GPC6: variants seen among roughly 807,000 people sequenced by gnomAD.
GPC6 encodes the protein glypican-6.
GPC6 carries 14 observed loss-of-function variants against 55.2 expected under a neutral mutation model. The observed-to-expected ratio is 0.25, with a 90% CI of 0.17 to 0.40. GPC6 has a LOEUF of 0.40. Among genes scored for constraint, GPC6 ranks in the 10% least tolerant of loss-of-function variants. GPC6 has a pLI of 1.00. For missense variants in GPC6, 641 were observed against 708.5 expected (o/e 0.90, Z 1.08); for synonymous variants, 278 against 259.6 (o/e 1.07, Z -0.68).
At chr13:93,942,213 A>G (rs1431013611) in intron 3 of GPC6, among the ~76,000 whole-genome samples, 1 of 152,212 alleles carries the variant, frequency 6.6e-6, no homozygotes, top group Non-Finnish European at 1.5e-5. Context: ...GATTACTTTG[A>G]AACTTAGCAG....
chr13:94,256,091 G>A (rs1487234313), intron 4 of GPC6, among the ~76,000 whole-genome samples: 2 of 152,274 alleles, frequency 1.3e-5, no homozygotes, highest in East Asian at 1.9e-4. Context: ...AGATAGAGAC[G>A]TGTAGACTTC....
intron 4 of GPC6, among the ~76,000 whole-genome samples, chr13:94,181,648 C>T (rs1889002421): frequency 6.6e-6 from 1 of 152,164 alleles, no homozygotes; most frequent in African/African-American, 2.4e-5. Context: ...TCTCTGAACT[C>T]CCTGACCACA....
rs533999169 is a variant in GPC6, at chr13:93,316,937, C to A, written c.160+89321C>A. On this transcript the variant is annotated intron_variant, in intron 1 of 8. Transcript: ENST00000377047. Reference sequence around the variant, plus strand: ...CATATACACTTAGTGCTTAAGCTGTCATTATCTGATCTGCATTTGAGGAGC... The same window carrying A: ...CATATACACTTAGTGCTTAAGCTGTAATTATCTGATCTGCATTTGAGGAGC... 1.2e-4 allele frequency among the ~76,000 whole-genome samples: 18 copies of A among 152,190 alleles called. 1 individual carries two copies. In the South Asian group the frequency reaches 3.5e-3, roughly 30 times the overall value.
chr13:93,273,158 T>C (rs549254274), intron 1 of GPC6, among the ~76,000 whole-genome samples: 91 of 152,306 alleles, frequency 6.0e-4, no homozygotes, highest in African/African-American at 2.1e-3. Context: ...CTTTTAGTTC[T>C]CTCTGACATC....
At chr13:93,584,086 T>C (rs1877074368) in intron 2 of GPC6, among the ~76,000 whole-genome samples, 1 of 152,128 alleles carries the variant, frequency 6.6e-6, no homozygotes, top group African/African-American at 2.4e-5. Context: ...GGAGTTCTAT[T>C]AGGAAAGGGA....
intron 2 of GPC6, among the ~76,000 whole-genome samples, chr13:93,697,347 A>G (rs976445657): frequency 1.3e-5 from 2 of 152,130 alleles, no homozygotes; most frequent in Non-Finnish European, 2.9e-5. Context: ...TTCCTCTCTC[A>G]GAGCACTTGC....
rs972554613 is a variant in GPC6, at chr13:93,346,003, G to A, written c.160+118387G>A. Among the ~76,000 whole-genome samples, 9 of 152,158 alleles carry A rather than the reference G, an allele frequency of 5.9e-5. No individual in the cohort carries two copies. The East Asian group carries it at 7.7e-4, about 13-fold the overall frequency. ...GACCAGCATGCCCTTTTAAAATTCC[G>A]TAGTTAATCTCTTTATTGAAAGCTG... On this transcript the variant is annotated intron_variant, in intron 1 of 8. Transcript: ENST00000377047.
At chr13:93,658,142 T>G (rs1230525765) in intron 2 of GPC6, among the ~76,000 whole-genome samples, 1 of 151,986 alleles carries the variant, frequency 6.6e-6, no homozygotes. Context: ...ACTTTTACAT[T>G]ATCCAATCAA....
chr13:93,901,909 A>AC (rs1876376722), intron 3 of GPC6, among the ~76,000 whole-genome samples: 1 of 152,060 alleles, frequency 6.6e-6, no homozygotes, highest in East Asian at 1.9e-4. Flanking sequence ...AAAAAAAAAA[A>AC]AAAAAAAAAC....
At chr13:93,943,227 A>G (rs548457366) in intron 3 of GPC6, among the ~76,000 whole-genome samples, 74 of 152,302 alleles carry the variant, frequency 4.9e-4, no homozygotes, top group Non-Finnish European at 8.5e-4. Flanking sequence ...GAATTATAGT[A>G]TAATATACTA....
At chr13:94,175,308 A>C (rs893195603) in intron 4 of GPC6, among the ~76,000 whole-genome samples, 2 of 152,188 alleles carry the variant, frequency 1.3e-5, no homozygotes, top group African/African-American at 2.4e-5. Context: ...TTTGTAGCAC[A>C]ATAGCAGCCA....
At chr13:93,807,938 G>T (rs913935478) in intron 2 of GPC6, among the ~76,000 whole-genome samples, 3 of 152,108 alleles carry the variant, frequency 2.0e-5, no homozygotes, top group African/African-American at 7.2e-5. Context: ...CTCCCCTAAA[G>T]GCAACAGTTT....
intron 3 of GPC6, among the ~76,000 whole-genome samples, chr13:93,989,966 T>A (rs1242082901): frequency 6.7e-6 from 1 of 149,686 alleles, no homozygotes; most frequent in Non-Finnish European, 1.5e-5. Flanking sequence ...GTATAAAATA[T>A]GTAAAGAAAT....
chr13:93,778,352 A>G (rs1369540539), intron 2 of GPC6, among the ~76,000 whole-genome samples: 2 of 144,966 alleles, frequency 1.4e-5, no homozygotes, highest in Non-Finnish European at 2.9e-5. Context: ...GTGAATTATA[A>G]GAGAGATTTC....
intron 2 of GPC6, among the ~76,000 whole-genome samples, chr13:93,610,791 TC>T (rs983808908): frequency 6.6e-6 from 1 of 152,154 alleles, no homozygotes; most frequent in Non-Finnish European, 1.5e-5. Flanking sequence ...TCTTCTGTTT[TC>T]TATTTCATTT....
intron 4 of GPC6, among the ~76,000 whole-genome samples, chr13:94,246,790 A>G (rs2139032617): frequency 6.6e-6 from 1 of 152,100 alleles, no homozygotes; most frequent in African/African-American, 2.4e-5. Context: ...AATCAGGAGG[A>G]AGTGTGATGC....
intron 1 of GPC6, among the ~76,000 whole-genome samples, chr13:93,414,733 G>A (rs1285245731): frequency 6.6e-6 from 1 of 152,136 alleles, no homozygotes; most frequent in African/African-American, 2.4e-5. Context: ...TGCCAAAGTG[G>A]TGATGATGGG....
At chr13:93,367,663 T>C (rs1157740639) in intron 1 of GPC6, among the ~76,000 whole-genome samples, 1 of 152,124 alleles carries the variant, frequency 6.6e-6, no homozygotes, top group African/African-American at 2.4e-5. Context: ...TTTTGATATC[T>C]CTTGCAACTA....
chr13:93,553,504 C>T (rs892070884), intron 2 of GPC6, among the ~76,000 whole-genome samples: 6 of 150,282 alleles, frequency 4.0e-5, no homozygotes, highest in Admixed American at 1.3e-4. Flanking sequence ...CAGCCTGGCC[C>T]GCATGGTGAA....
Sources: allele counts gnomAD v4.1 joint callset (sites outside exome capture counted in the v4.1 genomes callset), GRCh38; gene constraint gnomAD v4.1.1; transcripts MANE v1.5; gene names NCBI Gene and HGNC (gene_info 2026-07-23, HGNC 2026-07-21).